Variants in FAT3 observed in about 807,000 individuals in gnomAD.
FAT3 encodes FAT atypical cadherin 3.
A neutral mutation model predicts 310.2 loss-of-function variants in FAT3; 95 were observed. The observed-to-expected ratio is 0.31, with a 90% CI of 0.26 to 0.36. FAT3 has a LOEUF of 0.36. FAT3 is among the 10% of genes least tolerant of loss of function. The pLI, the probability that FAT3 is intolerant of heterozygous loss-of-function variation, is 1.00. For missense variants in FAT3, 5,408 were observed against 5,715.6 expected (o/e 0.95, Z 1.74); for synonymous variants, 2,314 against 2,192.9 (o/e 1.06, Z -1.54).
intron 22 of FAT3, among the ~76,000 whole-genome samples, chr11:92,872,535 T>A (rs1949414523): frequency 6.6e-6 from 1 of 152,224 alleles, no homozygotes; most frequent in Non-Finnish European, 1.5e-5. Flanking sequence ...ACTCTTATAT[T>A]TTTGGTACCT....
chr11:92,564,514 A>C (rs1001422305), intron 3 of FAT3, among the ~76,000 whole-genome samples: 1 of 151,760 alleles, frequency 6.6e-6, no homozygotes, highest in Non-Finnish European at 1.5e-5. Context: ...CAGGAATTGA[A>C]CTCAGCTCTG....
At chr11:92,677,839 GA>G (rs992144518) in intron 3 of FAT3, among the ~76,000 whole-genome samples, 2 of 152,180 alleles carry the variant, frequency 1.3e-5, no homozygotes, top group Non-Finnish European at 2.9e-5. Context: ...CACATTTATT[GA>G]AATGAAAGTA....
intron 4 of FAT3, among the ~76,000 whole-genome samples, chr11:92,723,353 T>C (rs936220602): frequency 2.0e-5 from 3 of 152,170 alleles, no homozygotes; most frequent in African/African-American, 7.2e-5. Context: ...AAGTTCCTCA[T>C]CTCCATCTCA....
intron 2 of FAT3, 125 bp downstream of exon 2, chr11:92,355,529 C>T (rs997461490): frequency 5.9e-5 from 52 of 874,752 alleles, no homozygotes; most frequent in South Asian, 9.9e-5. Flanking sequence ...GGTGCAGAGA[C>T]GACGCACATA....
chr11:92,504,464 T>A (rs1347488554), intron 2 of FAT3, among the ~76,000 whole-genome samples: 1 of 152,160 alleles, frequency 6.6e-6, no homozygotes, highest in Non-Finnish European at 1.5e-5. Context: ...GGGTTTAATA[T>A]TGGTTCTCTG....
intron 4 of FAT3, among the ~76,000 whole-genome samples, chr11:92,735,587 TAGA>T (rs1945320342): frequency 6.8e-6 from 1 of 146,712 alleles, no homozygotes; most frequent in African/African-American, 2.5e-5. Context: ...GATAGATAGA[TAGA>T]TAGATAGATA....
At chr11:92,632,007 G>A (rs1265277353) in intron 3 of FAT3, among the ~76,000 whole-genome samples, 2 of 152,184 alleles carry the variant, frequency 1.3e-5, no homozygotes, top group African/African-American at 2.4e-5. Context: ...GAGGAAATAT[G>A]TCAGCTTAAA....
At chr11:92,598,215 CATAT>C (rs148924628) in intron 3 of FAT3, among the ~76,000 whole-genome samples, 10 of 136,432 alleles carry the variant, frequency 7.3e-5, no homozygotes, top group African/African-American at 2.5e-4. Context: ...TATATGTATA[CATAT>C]ATATATATAT....
chr11:92,478,996 G>A (rs368493754), intron 2 of FAT3, among the ~76,000 whole-genome samples: 1 of 46,068 alleles, frequency 2.2e-5, no homozygotes. Context: ...TCTTTTCTTT[G>A]TTGTTGTTTT....
intron 19 of FAT3, among the ~76,000 whole-genome samples, chr11:92,850,053 C>T (rs1200405611): frequency 6.6e-6 from 1 of 152,166 alleles, no homozygotes; most frequent in African/African-American, 2.4e-5. Context: ...TAGTCAGACA[C>T]TTAAAACATG....
chr11:92,615,189 GCATTTTCAT>G (rs1940742357), intron 3 of FAT3, among the ~76,000 whole-genome samples: 1 of 152,066 alleles, frequency 6.6e-6, no homozygotes, highest in Non-Finnish European at 1.5e-5. Context: ...TTTGTTCCTT[GCATTTTCAT>G]GTGAATTTTA....
chr11:92,596,335 G>A (rs1478152339), intron 3 of FAT3, among the ~76,000 whole-genome samples: 1 of 152,108 alleles, frequency 6.6e-6, no homozygotes, highest in Non-Finnish European at 1.5e-5. Context: ...ACTCCAGGGA[G>A]CTGTCTTGAA....
At chr11:92,552,783 GA>G (rs71064718) in intron 3 of FAT3, among the ~76,000 whole-genome samples, 80,986 of 147,860 alleles carry the variant, frequency 0.55, 22,438 homozygotes, top group East Asian at 0.78. Flanking sequence ...ACAGTAAAAA[GA>G]AAAAAAAAAA....
chr11:92,617,975 C>T (rs1940894923), intron 3 of FAT3, among the ~76,000 whole-genome samples: 1 of 152,214 alleles, frequency 6.6e-6, no homozygotes, highest in Non-Finnish European at 1.5e-5. Context: ...AGATCTCAAA[C>T]TCCATGCTGG....
intron 1 of FAT3, among the ~76,000 whole-genome samples, chr11:92,297,710 G>A (rs1946886965): frequency 6.6e-6 from 1 of 152,066 alleles, no homozygotes; most frequent in Admixed American, 6.6e-5. Flanking sequence ...CCAAGTGAGC[G>A]TAGTTATCAT....
Position 92,882,585 on chromosome 11 carries a change from T to TCCCCCCCCCCCCCCCCC in FAT3, c.12282-143_12282-142insCCCCCCCCCCCCCCCCC, listed in dbSNP as rs58520864. Among the ~76,000 whole-genome samples the TCCCCCCCCCCCCCCCCC allele has an allele frequency of 4.3e-4, 40 of 93,214 alleles. 2 individuals are homozygous for TCCCCCCCCCCCCCCCCC. Among genetic ancestry groups the TCCCCCCCCCCCCCCCCC allele is most frequent in the Non-Finnish European group, 7.7e-4 (35 of 45,424 alleles). The allele number at this position is 93,214 out of a possible 152,430, so 61.2% of individuals were successfully genotyped here. A position where few individuals can be genotyped will look rare whatever the true frequency, so the allele number is the denominator to read the frequency against. The stretch of plus-strand genomic sequence containing the variant: ...CAGAAATGCCTAAATTAACTCCCCC[T>TCCCCCCCCCCCCCCCCC]CCCCCCCCCCACCAACCATCTTTGT... On this transcript the variant is annotated intron_variant, in intron 23 of 27. Transcript: ENST00000525166.
At chr11:92,431,233 G>T (rs1464202714) in intron 2 of FAT3, among the ~76,000 whole-genome samples, 5 of 152,288 alleles carry the variant, frequency 3.3e-5, no homozygotes, top group African/African-American at 1.2e-4. Context: ...TCTCATTGTG[G>T]TTTTGATTTG....
chr11:92,703,726 G>A (rs554242540), intron 4 of FAT3, among the ~76,000 whole-genome samples: 41 of 152,182 alleles, frequency 2.7e-4, no homozygotes, highest in African/African-American at 9.6e-4. Flanking sequence ...AAGCTTTATC[G>A]AATGACTGTT....
chr11:92,800,407 A>G lies in FAT3; in HGVS notation c.7394A>G (p.Tyr2465Cys). The G allele has an allele frequency of 6.2e-7, 1 of 1,614,008 alleles. No homozygotes were observed. Among genetic ancestry groups the G allele is most frequent in the South Asian group, 1.1e-5 (1 of 91,086 alleles). Reference protein sequence around the residue: ...NHRKQRMEPLYSLNVSVSDGL... With the variant: ...NHRKQRMEPLCSLNVSVSDGL... ...CGGAAGCAGCGGATGGAGCCTCTGT[A>G]CAGTCTCAATGTGTCTGTCTCTGAT... Residue 2465 changes from tyrosine (Y) to cysteine (C), a missense_variant, in exon 10 of 28, where the codon TAC becomes TGC. Transcript: ENST00000525166.
Sources: allele counts gnomAD v4.1 joint callset (sites outside exome capture counted in the v4.1 genomes callset), GRCh38; gene constraint gnomAD v4.1.1; transcripts MANE v1.5; gene names NCBI Gene and HGNC (gene_info 2026-07-23, HGNC 2026-07-21).